SOS1: variants seen among roughly 807,000 people sequenced by gnomAD.
SOS1 encodes the protein son of sevenless homolog 1.
A neutral mutation model predicts 157.6 loss-of-function variants in SOS1; 25 were observed. The observed-to-expected ratio is 0.16, with a 90% CI of 0.12 to 0.22. SOS1 has a LOEUF of 0.22. Among genes scored for constraint, SOS1 ranks in the 10% least tolerant of loss-of-function variants. The pLI is 1.00. For missense variants in SOS1, 1,237 were observed against 1,599.1 expected (o/e 0.77, Z 3.86); for synonymous variants, 528 against 534.0 (o/e 0.99, Z 0.16).
At chr2:39,111,053 C>T (rs537892253) in intron 1 of SOS1, among the ~76,000 whole-genome samples, 42 of 152,208 alleles carry the variant, frequency 2.8e-4, no homozygotes, top group African/African-American at 9.4e-4. Context: ...GCCAACATGG[C>T]GAAACCCTGT....
In SOS1 at chr2:39,013,441, C is replaced by T; in HGVS notation, c.2167+19G>A. On this transcript the variant is annotated intron_variant, in intron 13 of 22. Transcript: ENST00000402219. ...CTTTTATTACATATAAAACTAGGCA[C>T]CTAAAAAAAAAAACATACCTCTTAC... 1 of 1,416,528 alleles carries T rather than the reference C, an allele frequency of 7.1e-7. No individual in the cohort carries two copies. The highest frequency in any genetic ancestry group is 1.0e-6 in the Non-Finnish European group (1 of 1,000,720). The allele number at this position is 1,416,528 out of a possible 1,614,324, so 87.7% of individuals were successfully genotyped here.
chr2:39,003,368 T>G (rs1669175592), intron 17 of SOS1, among the ~76,000 whole-genome samples: 1 of 152,138 alleles, frequency 6.6e-6, no homozygotes, highest in African/African-American at 2.4e-5. Flanking sequence ...ATCAAGCAAG[T>G]AGTAAAATTA....
At chr2:39,002,576 C>T (rs904938627) in intron 17 of SOS1, among the ~76,000 whole-genome samples, 13 of 152,290 alleles carry the variant, frequency 8.5e-5, no homozygotes, top group African/African-American at 3.1e-4. Context: ...CTTTTCTAAG[C>T]ACCTGACGTA....
intron 2 of SOS1, among the ~76,000 whole-genome samples, chr2:39,066,179 A>G (rs1362170252): frequency 1.3e-5 from 2 of 152,150 alleles, no homozygotes; most frequent in Non-Finnish European, 2.9e-5. Flanking sequence ...GTGTGCCATA[A>G]AAACATTACT....
At chr2:38,997,969 G>T (rs1361263473) in intron 17 of SOS1, among the ~76,000 whole-genome samples, 2 of 152,162 alleles carry the variant, frequency 1.3e-5, no homozygotes, top group Admixed American at 1.3e-4. Flanking sequence ...TTGCAATTGA[G>T]AAGTAGTACT....
chr2:39,078,866 C>T (rs1672107434), intron 1 of SOS1, among the ~76,000 whole-genome samples: 1 of 151,978 alleles, frequency 6.6e-6, no homozygotes, highest in Admixed American at 6.6e-5. Flanking sequence ...TCGAGATCAT[C>T]CTGGCCAACA....
intron 6 of SOS1, among the ~76,000 whole-genome samples, chr2:39,045,771 A>G (rs922573049): frequency 2.6e-5 from 4 of 152,048 alleles, no homozygotes; most frequent in African/African-American, 9.7e-5. Flanking sequence ...GTGCAGTGGC[A>G]TGATCTAGGC....
intron 1 of SOS1, among the ~76,000 whole-genome samples, chr2:39,071,451 A>T (rs1414587704): frequency 1.3e-5 from 2 of 152,208 alleles, no homozygotes; most frequent in Admixed American, 6.5e-5. Context: ...CAGTCCTATA[A>T]ATCTTTACAA....
chr2:39,123,449 C>G (rs1673966406), upstream of SOS1, among the ~76,000 whole-genome samples: 1 of 151,918 alleles, frequency 6.6e-6, no homozygotes, highest in South Asian at 2.1e-4. Context: ...CCTCCACTTC[C>G]CAGGTTCAAG....
chr2:39,044,368 T>C (rs1205130203), intron 6 of SOS1, among the ~76,000 whole-genome samples: 3 of 152,362 alleles, frequency 2.0e-5, no homozygotes, highest in African/African-American at 7.2e-5. Context: ...GTTATATCAA[T>C]TTCTAATTCA....
intron 1 of SOS1, among the ~76,000 whole-genome samples, chr2:39,103,905 T>C (rs1204950482): frequency 3.9e-5 from 6 of 152,190 alleles, no homozygotes; most frequent in East Asian, 1.9e-4. Flanking sequence ...AAATCATATA[T>C]TGGATAAAGG....
At chr2:39,021,525 G>GAAAAAA (rs70954777) in intron 10 of SOS1, among the ~76,000 whole-genome samples, 9 of 104,680 alleles carry the variant, frequency 8.6e-5, no homozygotes, top group Non-Finnish European at 1.2e-4. Context: ...TGCTCTACAG[G>GAAAAAA]AAAAAAAAAA....
rs1164904724 is a variant in SOS1 at position 38,981,852 on chromosome 2, A to G, written c.*3972T>C. The stretch of plus-strand genomic sequence containing the variant: ...AAACACGTCTCAACTAAAATTATAC[A>G]TGTCACTTTGACAAACAAATTCTCT... On this transcript the variant is annotated 3_prime_UTR_variant, in exon 23 of 23. Coordinates refer to ENST00000402219, the MANE Select transcript of SOS1 (RefSeq NM_005633.4). The G allele has an allele frequency of 3.9e-5, 6 of 152,200 alleles. No individual in the cohort carries two copies. Among genetic ancestry groups the G allele is most frequent in the Non-Finnish European group, 8.8e-5 (6 of 68,028 alleles). The allele number at this position is 152,200 out of a possible 1,614,324, so 9.4% of individuals were successfully genotyped here. A position where few individuals can be genotyped will look rare whatever the true frequency, so the allele number is the denominator to read the frequency against.
chr2:39,072,310 C>T (rs549257768), intron 1 of SOS1, among the ~76,000 whole-genome samples: 1 of 152,116 alleles, frequency 6.6e-6, no homozygotes, highest in African/African-American at 2.4e-5. Context: ...TCACTCTAAA[C>T]CCCTGACATT....
At chr2:39,100,460 A>G (rs1467123535) in intron 1 of SOS1, among the ~76,000 whole-genome samples, 1 of 152,232 alleles carries the variant, frequency 6.6e-6, no homozygotes, top group Non-Finnish European at 1.5e-5. Context: ...GATACACACA[A>G]TGGAATATCA....
intron 8 of SOS1, among the ~76,000 whole-genome samples, chr2:39,033,978 A>G (rs1407535958): frequency 6.6e-6 from 1 of 152,176 alleles, no homozygotes; most frequent in African/African-American, 2.4e-5. Context: ...ATTCTATATA[A>G]CAAAACAGTG....
intron 1 of SOS1, among the ~76,000 whole-genome samples, chr2:39,091,804 T>G (rs1366850814): frequency 6.6e-6 from 1 of 152,170 alleles, no homozygotes; most frequent in Non-Finnish European, 1.5e-5. Context: ...TCTGACCTCT[T>G]GGCAGTATGA....
At chr2:39,039,481 G>A (rs1482650564) in intron 6 of SOS1, among the ~76,000 whole-genome samples, 1 of 152,202 alleles carries the variant, frequency 6.6e-6, no homozygotes, top group Non-Finnish European at 1.5e-5. Flanking sequence ...CTGATGTTGT[G>A]AGACTATGCC....
rs1673850147 is a variant in SOS1, at chr2:39,120,744, G to A, written c.-322C>T. Among the ~76,000 whole-genome samples the A allele has an allele frequency of 6.8e-6, 1 of 147,708 alleles. No homozygotes were observed. The highest frequency in any genetic ancestry group is 1.5e-5 in the Non-Finnish European group (1 of 66,476). ...CCGCCCCGGGCTGCCCTCTGCCGCG[G>A]CCGCCGCCCGCCCGCCGGGGCTGCA... On this transcript the variant is annotated 5_prime_UTR_variant, in exon 1 of 23. Coordinates refer to ENST00000402219, the MANE Select transcript of SOS1 (RefSeq NM_005633.4).
Sources: gnomAD v4.1 joint callset for allele counts (sites outside exome capture counted in the v4.1 genomes callset) on GRCh38, gnomAD v4.1.1 for gene constraint, MANE v1.5 for transcripts, NCBI Gene and HGNC (gene_info 2026-07-23, HGNC 2026-07-21) for gene names.